ZNF804B: variants seen among roughly 807,000 people sequenced by gnomAD.
ZNF804B encodes zinc finger 804B.
In ZNF804B, 80 loss-of-function variants were observed where a neutral mutation model predicts 101.4. That is an observed-to-expected ratio of 0.79 (90% CI 0.66 to 0.95). The LOEUF (loss-of-function observed/expected upper bound fraction) is 0.95, where lower values mean the gene tolerates loss of function less well. Ranked by LOEUF, ZNF804B falls within the 40% of genes least tolerant of loss-of-function variation. ZNF804B has a pLI of 0.00. For synonymous variants in ZNF804B, 622 were observed against 558.8 expected, an observed-to-expected ratio of 1.11 and a Z score of -1.59; for missense variants, 1,673 against 1,561.9, an observed-to-expected ratio of 1.07 and a Z score of -1.20.
intron 2 of ZNF804B, among the ~76,000 whole-genome samples, chr7:89,322,084 G>A (rs186988874): frequency 6.6e-6 from 1 of 152,234 alleles, no homozygotes; most frequent in Non-Finnish European, 1.5e-5. Context: ...GGAAACAAAG[G>A]GAACTATGGA....
chr7:88,874,058 G>A (rs528506955), intron 1 of ZNF804B, among the ~76,000 whole-genome samples: 1 of 152,170 alleles, frequency 6.6e-6, no homozygotes, highest in African/African-American at 2.4e-5. Context: ...AATTACCTTG[G>A]GCAGTATGGC....
intron 1 of ZNF804B, among the ~76,000 whole-genome samples, chr7:89,082,501 T>C (rs976831572): frequency 1.3e-5 from 2 of 151,758 alleles, no homozygotes; most frequent in Admixed American, 1.3e-4. Context: ...AAAATACTTT[T>C]AATATAAATT....
chr7:89,250,312 T>C (rs1343363525), intron 2 of ZNF804B, among the ~76,000 whole-genome samples: 1 of 151,980 alleles, frequency 6.6e-6, no homozygotes, highest in East Asian at 1.9e-4. Context: ...AACACTCCCA[T>C]ACACACAAAT....
At chr7:89,258,739 C>T (rs186969451) in intron 2 of ZNF804B, among the ~76,000 whole-genome samples, 1 of 151,906 alleles carries the variant, frequency 6.6e-6, no homozygotes, top group Non-Finnish European at 1.5e-5. Flanking sequence ...GTATTATGTA[C>T]TGTATTCTTA....
At chr7:89,169,100 G>A (rs1212046480) in intron 1 of ZNF804B, among the ~76,000 whole-genome samples, 6 of 152,260 alleles carry the variant, frequency 3.9e-5, no homozygotes, top group East Asian at 1.9e-4. Flanking sequence ...GAACAATTGC[G>A]AACCTTTAGC....
At chr7:88,999,745 A>G (rs1788257589) in intron 1 of ZNF804B, among the ~76,000 whole-genome samples, 1 of 152,046 alleles carries the variant, frequency 6.6e-6, no homozygotes, top group Admixed American at 6.6e-5. Context: ...TTAATATTCA[A>G]TTCCAAAAAA....
Position 88,903,413 on chromosome 7 carries a change from A to G in ZNF804B, c.108+143329A>G, listed in dbSNP as rs78889011. On this transcript the variant is annotated intron_variant, in intron 1 of 3. Coordinates refer to ENST00000333190, the MANE Select transcript of ZNF804B (RefSeq NM_181646.5). ...GATTGTGAATAGAACTGTGATGAAT[A>G]TGCACATGCATGTGTCTTTTTGGTG... Among the ~76,000 whole-genome samples the G allele has an allele frequency of 4.9e-3, 753 of 152,288 alleles. 12 individuals are homozygous for G. Among genetic ancestry groups the G allele is most frequent in the African/African-American group, 0.017 (722 of 41,568 alleles).
chr7:88,874,454 C>A (rs1329716026), intron 1 of ZNF804B, among the ~76,000 whole-genome samples: 1 of 151,936 alleles, frequency 6.6e-6, no homozygotes, highest in Non-Finnish European at 1.5e-5. Flanking sequence ...TAATTGAATA[C>A]CCTTTGTTTT....
chr7:89,087,056 C>CAA (rs35084707), intron 1 of ZNF804B, among the ~76,000 whole-genome samples: 9 of 140,848 alleles, frequency 6.4e-5, no homozygotes, highest in East Asian at 2.1e-4. Context: ...TTTTTAAATT[C>CAA]AAAAAAAAAA....
At chr7:89,026,320 A>G (rs150125889) in intron 1 of ZNF804B, among the ~76,000 whole-genome samples, 5,270 of 152,256 alleles carry the variant, frequency 0.035, 136 homozygotes, top group Non-Finnish European at 0.05. Context: ...TAGCTTACAC[A>G]TTTGTAATTA....
intron 1 of ZNF804B, among the ~76,000 whole-genome samples, chr7:89,065,394 G>A (rs967927632): frequency 6.6e-6 from 1 of 152,122 alleles, no homozygotes; most frequent in Non-Finnish European, 1.5e-5. Flanking sequence ...CTATCTCTCA[G>A]CCCATAGGGC....
intron 1 of ZNF804B, among the ~76,000 whole-genome samples, chr7:88,934,037 AC>A (rs1418005056): frequency 6.6e-6 from 1 of 152,030 alleles, no homozygotes; most frequent in Non-Finnish European, 1.5e-5. Context: ...GGCTATAGTT[AC>A]CAAAACGACA....
intron 1 of ZNF804B, among the ~76,000 whole-genome samples, chr7:89,022,938 T>A (rs6948383): frequency 0.82 from 124,926 of 152,132 alleles, 51,884 homozygotes; most frequent in African/African-American, 0.96. Flanking sequence ...AAATAACTAG[T>A]TGGATAAATA....
At chr7:89,171,872 T>G (rs62463562) in intron 1 of ZNF804B, among the ~76,000 whole-genome samples, 1 of 152,010 alleles carries the variant, frequency 6.6e-6, no homozygotes, top group African/African-American at 2.4e-5. Flanking sequence ...CTGAAAGACA[T>G]TGCTGTCTCT....
chr7:88,962,310 A>G (rs73399371), intron 1 of ZNF804B, among the ~76,000 whole-genome samples: 5,549 of 151,324 alleles, frequency 0.037, 129 homozygotes, highest in African/African-American at 0.059. Context: ...CTAATTCTAC[A>G]GTTTATGTAG....
At position 89,027,333 on chromosome 7, in the gene ZNF804B, G is replaced by A. The variant is rs565744731; in HGVS notation, c.109-190822G>A. Among the ~76,000 whole-genome samples, 16 of 152,204 alleles carry A rather than the reference G, an allele frequency of 1.1e-4. No homozygotes were observed. The South Asian group carries it at 2.9e-3, about 28-fold the overall frequency. On this transcript the variant is annotated intron_variant, in intron 1 of 3. Transcript: ENST00000333190. ...TAAAGCTAGCTCTCTGAGGATGTTC[G>A]ATAGGAAAAGGATTCTGCACAATGG...
chr7:89,193,308 T>A (rs1267272071), intron 1 of ZNF804B, among the ~76,000 whole-genome samples: 2 of 149,116 alleles, frequency 1.3e-5, no homozygotes, highest in Admixed American at 6.6e-5. Flanking sequence ...CTATCTTTAT[T>A]TTTTTTTATT....
At chr7:89,055,656 A>T (rs1042570716) in intron 1 of ZNF804B, among the ~76,000 whole-genome samples, 4 of 152,092 alleles carry the variant, frequency 2.6e-5, no homozygotes, top group African/African-American at 9.7e-5. Context: ...TCCAGTGAAA[A>T]GTCTCACACA....
At chr7:88,869,546 A>G (rs1791784231) in intron 1 of ZNF804B, among the ~76,000 whole-genome samples, 3 of 152,214 alleles carry the variant, frequency 2.0e-5, no homozygotes, top group Non-Finnish European at 2.9e-5. Context: ...ATTAACAGCA[A>G]TATTTATTAT....
Sources: gnomAD v4.1 joint callset for allele counts (sites outside exome capture counted in the v4.1 genomes callset) on GRCh38, gnomAD v4.1.1 for gene constraint, MANE v1.5 for transcripts, NCBI Gene and HGNC (gene_info 2026-07-23, HGNC 2026-07-21) for gene names.